The following PROZ variants were observed in gnomAD, a reference collection of about 807,000 sequenced individuals.
PROZ encodes vitamin K-dependent protein Z.
Under a neutral mutation model 34.9 loss-of-function variants are expected in PROZ, and 46 were observed. The observed-to-expected ratio is 1.32, with a 90% confidence interval of 1.04 to 1.69. The LOEUF (loss-of-function observed/expected upper bound fraction) is 1.69, where lower values mean the gene tolerates loss of function less well. PROZ is among the 40% of genes most tolerant of loss of function. PROZ has a pLI of 0.00. For synonymous variants in PROZ, 195 were observed against 208.5 expected (o/e 0.94, Z 0.56); for missense variants, 530 against 520.4 (o/e 1.02, Z -0.18).
intron 4 of PROZ, among the ~76,000 whole-genome samples, 182 bp downstream of exon 4, chr13:113,163,304 G>A (rs1028188815): frequency 3.9e-5 from 6 of 151,918 alleles, no homozygotes; most frequent in Non-Finnish European, 7.4e-5. Context: ...CAGAAACCAC[G>A]CCGGGGGCTG....
Position 113,159,087 on chromosome 13 carries a change from C to T in PROZ, c.70+357C>T. ...GGTGGGGCAGGCTGAGCCCAGACTGCAATGTGGGCAGAGAGAGCCTTGGCC... is the reference window on the plus strand; with the variant it reads ...GGTGGGGCAGGCTGAGCCCAGACTGTAATGTGGGCAGAGAGAGCCTTGGCC... On this transcript the variant is annotated intron_variant, in intron 1 of 7. Transcript: ENST00000375547. The surrounding 1 kb of genome is among the most constrained non-coding windows in gnomAD (Gnocchi z 4.6). 1.0e-5 allele frequency: 9 copies of T among 865,756 alleles called. No homozygotes were observed. The highest frequency in any genetic ancestry group is 1.7e-5 in the Non-Finnish European group (9 of 536,390). 53.6% of individuals were successfully genotyped at this position (865,756 alleles called of 1,614,324 possible).
chr13:113,163,910 G>A (rs77613445), intron 4 of PROZ, among the ~76,000 whole-genome samples: 23 of 151,362 alleles, frequency 1.5e-4, no homozygotes, highest in African/African-American at 4.6e-4. Flanking sequence ...CAAAACAGGC[G>A]CGTGGATTAG....
In PROZ at chr13:113,158,651, C is replaced by T. The variant is rs1384608349; in HGVS notation, c.-10C>T. On this transcript the variant is annotated 5_prime_UTR_variant, in exon 1 of 8. Coordinates refer to ENST00000375547, the MANE Select transcript of PROZ (RefSeq NM_003891.3). The surrounding 1 kb of genome is among the most constrained non-coding windows in gnomAD (Gnocchi z 4.3). ...GTGTTTGTAGCCCTGTCCCAGCGCT[C>T]CGGGTGGGAATGGCAGGCTGCGTCC... The T allele has an allele frequency of 1.3e-6, 2 of 1,599,774 alleles. No individual in the cohort carries two copies. The highest frequency in any genetic ancestry group is 1.7e-6 in the Non-Finnish European group (2 of 1,174,140).
chr13:113,171,721 C>G lies in PROZ; in HGVS notation c.819C>G (p.Cys273Trp), dbSNP rs754176696. ...TGGAGCTGGAGTGGCCCATCCAGTG[C>G]CCAGGTGCGGGGCTCCCCGTGTGCA... ...SLLELEWPIQCPGAGLPVCTP... is the reference protein window; with the variant it reads ...SLLELEWPIQWPGAGLPVCTP... The change falls in exon 8 of 8, where the codon TGC becomes TGG. Residue 273 changes from cysteine (C) to tryptophan (W), a missense_variant. Coordinates refer to ENST00000375547, the MANE Select transcript of PROZ (RefSeq NM_003891.3). The surrounding 1 kb of genome is among the most constrained non-coding windows in gnomAD (Gnocchi z 5.1). 1.2e-6 allele frequency: 2 copies of G among 1,612,778 alleles called. No individual in the cohort carries two copies. Among genetic ancestry groups the G allele is most frequent in the Non-Finnish European group, 1.7e-6 (2 of 1,179,176 alleles).
At chr13:113,166,855 A>C (rs1472731855) in intron 6 of PROZ, among the ~76,000 whole-genome samples, 2 of 152,050 alleles carry the variant, frequency 1.3e-5, no homozygotes, top group African/African-American at 4.8e-5. Flanking sequence ...TTCCCAGCTT[A>C]CCCAAGGGAA....
At chr13:113,160,994 C>A (rs373620493) in intron 3 of PROZ, 22 bp downstream of exon 3, 1 of 1,600,536 alleles carries the variant, frequency 6.2e-7, no homozygotes, top group South Asian at 1.1e-5. Flanking sequence ...CCTTCGTCTC[C>A]TCAGAAGTAT....
In PROZ at chr13:113,160,143, A is replaced by G; in HGVS notation, c.200A>G (p.Glu67Gly). ...TATGAAGAAATCTGTGTCTATGAAG[A>G]AGCAAGAGAAGTGTTTGAAAATGAA... ...ECYEEICVYE[E>G]AREVFENEVV... Residue 67 changes from glutamate to glycine, a missense_variant, in exon 2 of 8, where the codon GAA (glutamate) becomes GGA (glycine). Physicochemically the swap from Glu to Gly is moderately conservative, Grantham distance 98. Coordinates refer to ENST00000375547, the MANE Select transcript of PROZ (RefSeq NM_003891.3). The G allele has an allele frequency of 6.2e-7, 1 of 1,614,174 alleles. No homozygotes were observed. Among genetic ancestry groups the G allele is most frequent in the Non-Finnish European group, 8.5e-7 (1 of 1,180,034 alleles).
intron 3 of PROZ, 119 bp downstream of exon 3, chr13:113,161,091 C>A: frequency 1.1e-6 from 1 of 910,956 alleles, no homozygotes; most frequent in Non-Finnish European, 1.8e-6. Flanking sequence ...CTCCAGGACC[C>A]ACGGTGTCTC....
chr13:113,161,852 TCCTCCTGCTC>T, intron 3 of PROZ, among the ~76,000 whole-genome samples: 1 of 100,092 alleles, frequency 1.0e-5, no homozygotes, highest in Non-Finnish European at 2.0e-5. Flanking sequence ...CCCCCCATCC[TCCTCCTGCTC>T]AGGTCCCCGT....
In PROZ at chr13:113,158,858, T is replaced by C; in HGVS notation, c.70+128T>C. The stretch of plus-strand genomic sequence containing the variant: ...CCTGAGTGCCCAGACTAGTCTTAAT[T>C]CCCCTGAAAAAGCTGTTTGGATCTT... On this transcript the variant is annotated intron_variant, in intron 1 of 7. Transcript: ENST00000375547. The surrounding 1 kb of genome is among the most constrained non-coding windows in gnomAD (Gnocchi z 4.3). 1 of 927,112 alleles carries C rather than the reference T, an allele frequency of 1.1e-6. No individual in the cohort carries two copies. The highest frequency in any genetic ancestry group is 2.6e-5 in the East Asian group (1 of 38,262). 57.4% of individuals were successfully genotyped at this position (927,112 alleles called of 1,614,324 possible).
rs753639474 is a variant in PROZ at position 113,160,118 on chromosome 13, T to A, written c.175T>A (p.Tyr59Asn). ...CGAGGGAAACTTGGAAAAAGAATGT[T>A]ATGAAGAAATCTGTGTCTATGAAGA... ...LFEGNLEKEC[Y>N]EEICVYEEAR... Residue 59 changes from tyrosine (Y) to asparagine (N), a missense_variant, in exon 2 of 8, where the codon TAT becomes AAT. Transcript: ENST00000375547. The A allele has an allele frequency of 2.4e-5, 39 of 1,613,976 alleles. No homozygotes were observed. Among genetic ancestry groups the A allele is most frequent in the Non-Finnish European group, 3.3e-5 (39 of 1,180,030 alleles).
Position 113,159,096 on chromosome 13 carries a change from C to A in PROZ, c.70+366C>A. The A allele has an allele frequency of 1.1e-6, 1 of 935,224 alleles. No individual in the cohort carries two copies. 57.9% of individuals were successfully genotyped at this position (935,224 alleles called of 1,614,324 possible). A position where few individuals can be genotyped will look rare whatever the true frequency, so the allele number is the denominator to read the frequency against. On this transcript the variant is annotated intron_variant, in intron 1 of 7. Coordinates refer to ENST00000375547, the MANE Select transcript of PROZ (RefSeq NM_003891.3). The surrounding 1 kb of genome is among the most constrained non-coding windows in gnomAD (Gnocchi z 4.6). ...GGCTGAGCCCAGACTGCAATGTGGG[C>A]AGAGAGAGCCTTGGCCAGGCCAGCC... is the stretch of plus-strand genomic sequence containing the variant.
In PROZ at chr13:113,171,038, T is replaced by A. The variant is rs2037096135; in HGVS notation, c.691+508T>A. 6.6e-6 allele frequency among the ~76,000 whole-genome samples: 1 copy of A among 152,050 alleles called. No individual in the cohort carries two copies. The highest frequency in any genetic ancestry group is 1.5e-5 in the Non-Finnish European group (1 of 68,020). ...CCTGGGTTCAAGCGATTCTCATGCC[T>A]CAGCCTCCCGAGTAGCTGGGACTAC... On this transcript the variant is annotated intron_variant, in intron 7 of 7. Coordinates refer to ENST00000375547, the MANE Select transcript of PROZ (RefSeq NM_003891.3). This position sits in a 1 kb window ranked among gnomAD's most constrained non-coding sequence, Gnocchi z 5.1.
Position 113,171,089 on chromosome 13 carries a change from A to AT in PROZ, c.692-499dup, listed in dbSNP as rs1566932413. ...AGGCATGCACCACCATATCCCACTA[A>AT]TTTTTTGTATTTTTAGTAGAAATGG... On this transcript the variant is annotated intron_variant, in intron 7 of 7. Coordinates refer to ENST00000375547, the MANE Select transcript of PROZ (RefSeq NM_003891.3). The surrounding 1 kb of genome is among the most constrained non-coding windows in gnomAD (Gnocchi z 5.1). 6.6e-6 allele frequency among the ~76,000 whole-genome samples: 1 copy of AT among 151,790 alleles called. No individual in the cohort carries two copies. Among genetic ancestry groups the AT allele is most frequent in the Non-Finnish European group, 1.5e-5 (1 of 67,962 alleles).
At chr13:113,170,373 A>G (rs1346647012) in intron 6 of PROZ, 40 bp from the exon 7 acceptor site, 2 of 1,288,908 alleles carry the variant, frequency 1.6e-6, no homozygotes, top group Non-Finnish European at 2.3e-6. Flanking sequence ...AATCCTGCAA[A>G]TTGTCACCAG....
chr13:113,172,073 T>C lies in PROZ; in HGVS notation c.1171T>C (p.Tyr391His), dbSNP rs374057161. The change falls in exon 8 of 8, where the codon TAC becomes CAC. Residue 391 changes from tyrosine (Y) to histidine (H), a missense_variant. Coordinates refer to ENST00000375547, the MANE Select transcript of PROZ (RefSeq NM_003891.3). ...HMVLVTKVSRYSLWFKQIMN is the reference protein window; with the variant it reads ...HMVLVTKVSRHSLWFKQIMN ...GGTCCTTGTCACCAAGGTCTCCAGGTACTCACTCTGGTTTAAACAGATCAT... is the reference window on the plus strand; with the variant it reads ...GGTCCTTGTCACCAAGGTCTCCAGGCACTCACTCTGGTTTAAACAGATCAT... 3 of 1,612,980 alleles carry C rather than the reference T, an allele frequency of 1.9e-6. No homozygotes were observed. The highest frequency in any genetic ancestry group is 3.3e-4 in the Middle Eastern group (2 of 6,050).
rs1236507917 is a variant in PROZ at position 113,159,024 on chromosome 13, G to T, written c.70+294G>T. On this transcript the variant is annotated intron_variant, in intron 1 of 7. Coordinates refer to ENST00000375547, the MANE Select transcript of PROZ (RefSeq NM_003891.3). This position sits in a 1 kb window ranked among gnomAD's most constrained non-coding sequence, Gnocchi z 4.6. ...AGGGGAGGGGGAAAGGGGGAGGAGT[G>T]GGGGGAGGCCTGGGTTGGGCATTGG... is the stretch of plus-strand genomic sequence containing the variant. Among the ~76,000 whole-genome samples the T allele has an allele frequency of 1.3e-5, 2 of 150,390 alleles. No individual in the cohort carries two copies. The highest frequency in any genetic ancestry group is 3.0e-5 in the Non-Finnish European group (2 of 67,394).
In PROZ at chr13:113,159,951, G is replaced by A; in HGVS notation, c.71-63G>A. The A allele has an allele frequency of 6.3e-7, 1 of 1,597,802 alleles. No individual in the cohort carries two copies. The highest frequency in any genetic ancestry group is 1.1e-5 in the South Asian group (1 of 90,654). The stretch of plus-strand genomic sequence containing the variant: ...TGGCGGCCGGCCGGGGAGGAAGCCA[G>A]GCAGCTCTGGAAAGCAGGGCCCTCG... On this transcript the variant is annotated intron_variant, in intron 1 of 7. Coordinates refer to ENST00000375547, the MANE Select transcript of PROZ (RefSeq NM_003891.3). This position sits in a 1 kb window ranked among gnomAD's most constrained non-coding sequence, Gnocchi z 4.6.
intron 3 of PROZ, among the ~76,000 whole-genome samples, chr13:113,161,220 G>C (rs904521242): frequency 1.3e-5 from 2 of 152,236 alleles, no homozygotes; most frequent in African/African-American, 4.8e-5. Flanking sequence ...TAGTTTCTTG[G>C]CACTCTGGGA....
Sources: allele counts gnomAD v4.1 joint callset (sites outside exome capture counted in the v4.1 genomes callset), GRCh38; gene constraint gnomAD v4.1.1; non-coding constraint Gnocchi (gnomAD v3.1); transcripts MANE v1.5; gene names NCBI Gene and HGNC (gene_info 2026-07-23, HGNC 2026-07-21).